The following CTRB1 variants were observed in gnomAD, a reference collection of about 807,000 sequenced individuals.
CTRB1 encodes the protein chymotrypsinogen B.
CTRB1 carries 15 observed loss-of-function variants against 20.4 expected under a neutral mutation model. The observed-to-expected ratio is 0.74, with a 90% CI of 0.49 to 1.13. The LOEUF (loss-of-function observed/expected upper bound fraction) is 1.13, where lower values mean the gene tolerates loss of function less well. CTRB1 is among the 50% of genes most tolerant of loss of function. The probability of loss-of-function intolerance (pLI) is 0.00; values close to 1 mark genes in which losing one functional copy is unlikely to be tolerated. For synonymous variants in CTRB1, 92 were observed against 128.4 expected (o/e 0.72, Z 1.92); for missense variants, 227 against 290.1 (o/e 0.78, Z 1.58).
chr16:75,220,844 C>T (rs534399759), intron 1 of CTRB1, among the ~76,000 whole-genome samples: 1 of 151,744 alleles, frequency 6.6e-6, no homozygotes, highest in East Asian at 1.9e-4. Flanking sequence ...CTGCAACCTC[C>T]ACCTCCCAGG....
chr16:75,219,777 T>C (rs1438131835), intron 1 of CTRB1, among the ~76,000 whole-genome samples: 1 of 152,234 alleles, frequency 6.6e-6, no homozygotes, highest in African/African-American at 2.4e-5. Flanking sequence ...GCAAATCTTT[T>C]TGCACATTTG....
In CTRB1 at chr16:75,224,166, C is replaced by T; in HGVS notation, c.608C>T (p.Ala203Val). Residue 203 changes from alanine (A) to valine (V), a missense_variant, in exon 6 of 7, where the codon GCC (alanine) becomes GTC (valine). By Grantham distance (64) the Ala-to-Val change is moderately conservative. Around this residue, in one of 4 missense-constraint regions of CTRB1, gnomAD observed 36 missense variants for 51.6 expected, o/e 0.70. Transcript: ENST00000361017. ...RITDVMICAG[A>V]SGVSSCMGDS... ...ACCGACGTGATGATCTGTGCCGGGGCCAGTGGCGTCTCCTCCTGCATGGTG... is the reference window on the plus strand; with the variant it reads ...ACCGACGTGATGATCTGTGCCGGGGTCAGTGGCGTCTCCTCCTGCATGGTG... The T allele has an allele frequency of 1.4e-6, 2 of 1,479,964 alleles. No individual in the cohort carries two copies. The highest frequency in any genetic ancestry group is 1.8e-6 in the Non-Finnish European group (2 of 1,103,100). The allele number at this position is 1,479,964 out of a possible 1,614,324, so 91.7% of individuals were successfully genotyped here.
At chr16:75,221,606 C>T (rs1306581300) in intron 1 of CTRB1, among the ~76,000 whole-genome samples, 3 of 151,978 alleles carry the variant, frequency 2.0e-5, no homozygotes, top group Non-Finnish European at 2.9e-5. Context: ...GTGATCCACC[C>T]CGCTTGGCCT....
intron 1 of CTRB1, chr16:75,222,541 G>A (rs1317180486): frequency 3.4e-6 from 2 of 580,948 alleles, no homozygotes; most frequent in East Asian, 2.9e-5. Flanking sequence ...CAGGTAGGAG[G>A]AGACATGACG....
chr16:75,224,650 T>G (rs2151377252), intron 6 of CTRB1, 55 bp from the exon 7 acceptor site: 1 of 1,554,560 alleles, frequency 6.4e-7, no homozygotes, highest in South Asian at 1.2e-5. Flanking sequence ...CAGTGGCCCC[T>G]GGGACCAGTC....
At position 75,219,940 on chromosome 16, in the gene CTRB1, G is replaced by C. The variant is rs185572602; in HGVS notation, c.52+881G>C. Reference sequence around the variant, plus strand: ...ATATTTTTATACATCTATACATAAGGTTTCAAAAAGGTTACATCAATGGAA... The same window carrying C: ...ATATTTTTATACATCTATACATAAGCTTTCAAAAAGGTTACATCAATGGAA... On this transcript the variant is annotated intron_variant, in intron 1 of 6. Coordinates refer to ENST00000361017, the MANE Select transcript of CTRB1 (RefSeq NM_001906.6). Among the ~76,000 whole-genome samples the C allele has an allele frequency of 2.3e-3, 354 of 152,186 alleles. 8 individuals carry two copies. The highest frequency in any genetic ancestry group is 7.4e-5 in the Non-Finnish European group (5 of 68,012).
chr16:75,219,054 C>A lies in CTRB1; in HGVS notation c.47C>A (p.Ala16Asp). ...LLSCFSLVGAAFGCGVPAIHP... is the reference protein window; with the variant it reads ...LLSCFSLVGADFGCGVPAIHP... ...TCCTGCTTCTCCCTTGTGGGGGCCG[C>A]CTTTGGTGAGTGCTGGTGCCCGAGG... The change falls in exon 1 of 7, where the codon GCC becomes GAC. Residue 16 changes from alanine (A) to aspartate (D), a missense_variant. Transcript: ENST00000361017. The A allele has an allele frequency of 1.3e-6, 2 of 1,590,076 alleles. No individual in the cohort carries two copies.
chr16:75,224,281 C>T lies in CTRB1; in HGVS notation c.630+93C>T, dbSNP rs181079175. The T allele has an allele frequency of 1.6e-5, 25 of 1,546,780 alleles. No individual in the cohort carries two copies. In the Admixed American group the frequency reaches 4.1e-4, roughly 26 times the overall value. ...CCTCTCTGCTCTCATCTACTAACCC[C>T]ACTCCTTCCTGGGTGTCAGAGTCGC... On this transcript the variant is annotated intron_variant, in intron 6 of 6. Transcript: ENST00000361017.
chr16:75,221,598 G>T (rs1039456572), intron 1 of CTRB1, among the ~76,000 whole-genome samples: 4 of 151,950 alleles, frequency 2.6e-5, no homozygotes, highest in African/African-American at 9.7e-5. Context: ...AACCTCAGGT[G>T]ATCCACCCCG....
chr16:75,224,033 T>A (rs1368454608), intron 5 of CTRB1, 22 bp from the exon 6 acceptor site: 5 of 908,376 alleles, frequency 5.5e-6, no homozygotes, highest in African/African-American at 4.4e-5. Flanking sequence ...CCAGGGGCCC[T>A]GACCCTCCTC....
In CTRB1 at chr16:75,220,530, G is replaced by C. The variant is rs113559670; in HGVS notation, c.52+1471G>C. On this transcript the variant is annotated intron_variant, in intron 1 of 6. Transcript: ENST00000361017. ...AGGCTGGTCTCGAAATCCTGTGCTC[G>C]AGTGATCTGCTCACCTCAACCTCCC... 1.6e-3 allele frequency among the ~76,000 whole-genome samples: 251 copies of C among 152,214 alleles called. 1 individual carries two copies. The highest frequency in any genetic ancestry group is 5.2e-3 in the African/African-American group (214 of 41,534).
In CTRB1 at chr16:75,221,423, G is replaced by T. The variant is rs146202391; in HGVS notation, c.53-1345G>T. ...CACCCAGGCTGGAGTGCAGTGGCAC[G>T]ATCTCAGCTTACTGCAACCTCTGTC... On this transcript the variant is annotated intron_variant, in intron 1 of 6. Transcript: ENST00000361017. Among the ~76,000 whole-genome samples the T allele has an allele frequency of 2.8e-3, 429 of 152,210 alleles. 3 individuals carry two copies. Among genetic ancestry groups the T allele is most frequent in the African/African-American group, 9.9e-3 (411 of 41,546 alleles).
chr16:75,219,628 C>T (rs1353324636), intron 1 of CTRB1, among the ~76,000 whole-genome samples: 2 of 152,176 alleles, frequency 1.3e-5, no homozygotes, highest in Non-Finnish European at 2.9e-5. Flanking sequence ...AGGTGATGCC[C>T]CCGCCTCGGC....
chr16:75,222,003 G>A (rs1056536731), intron 1 of CTRB1, among the ~76,000 whole-genome samples: 1 of 149,212 alleles, frequency 6.7e-6, no homozygotes, highest in African/African-American at 2.5e-5. Context: ...GGAGCTTGCA[G>A]TGAGCCAAGA....
rs769255790 is a variant in CTRB1 at position 75,224,134 on chromosome 16, G to A, written c.576G>A (p.Arg192=). ...CCGAATGCAAGAAGTCCTGGGGCAG[G>A]AGGATCACCGACGTGATGATCTGTG... ...SNAECKKSWG[R]RITDVMICAG... The change falls in exon 6 of 7, where the codon AGG becomes AGA. Residue 192 remains arginine, a synonymous_variant. Transcript: ENST00000361017. 89 of 1,446,522 alleles carry A rather than the reference G, an allele frequency of 6.2e-5. No individual in the cohort carries two copies. In the African/African-American group the frequency reaches 8.8e-4, roughly 14 times the overall value. The allele number at this position is 1,446,522 out of a possible 1,614,324, so 89.6% of individuals were successfully genotyped here. A position where few individuals can be genotyped will look rare whatever the true frequency, so the allele number is the denominator to read the frequency against.
rs970720567 is a variant in CTRB1, at chr16:75,224,790, C to T, written c.716C>T (p.Ser239Phe). 3.7e-6 allele frequency: 6 copies of T among 1,613,982 alleles called. No homozygotes were observed. Among genetic ancestry groups the T allele is most frequent in the Non-Finnish European group, 5.1e-6 (6 of 1,180,034 alleles). ...GIVSWGSDTC[S>F]TSSPGVYARV... The stretch of plus-strand genomic sequence containing the variant: ...GTGTCCTGGGGCAGCGACACCTGCT[C>T]CACCTCCAGCCCTGGCGTGTACGCC... The change falls in exon 7 of 7, where the codon TCC (serine) becomes TTC (phenylalanine). Residue 239 changes from serine (S) to phenylalanine (F), a missense_variant. By Grantham distance (155) the Ser-to-Phe change is radical. Coordinates refer to ENST00000361017, the MANE Select transcript of CTRB1 (RefSeq NM_001906.6).
chr16:75,224,240 G>T (rs779495165), intron 6 of CTRB1, 52 bp downstream of exon 6: 9 of 1,505,074 alleles, frequency 6.0e-6, no homozygotes, highest in Non-Finnish European at 8.1e-6. Context: ...TGCAGGGGAG[G>T]TCTGGGCTTT....
At chr16:75,219,570 G>A (rs1273444519) in intron 1 of CTRB1, among the ~76,000 whole-genome samples, 2 of 152,036 alleles carry the variant, frequency 1.3e-5, no homozygotes, top group African/African-American at 4.8e-5. Context: ...TTTTAGTAGA[G>A]ACGGGCTTTC....
rs576908589 is a variant in CTRB1, at chr16:75,222,765, C to G, written c.53-3C>G. 1.1e-4 allele frequency: 165 copies of G among 1,557,014 alleles called. No homozygotes were observed. The highest frequency in any genetic ancestry group is 3.4e-4 in the Middle Eastern group (2 of 5,940). On this transcript the variant is annotated splice_polypyrimidine_tract_variant and splice_region_variant and intron_variant, in intron 1 of 6. Transcript: ENST00000361017. ...AGCCCTTATTCACCCCACTCCCCCC[C>G]AGGCTGCGGGGTCCCCGCCATCCAC...
Sources: allele counts gnomAD v4.1 joint callset (sites outside exome capture counted in the v4.1 genomes callset), GRCh38; gene constraint gnomAD v4.1.1; regional missense constraint gnomAD v4.1.1; transcripts MANE v1.5; gene names NCBI Gene and HGNC (gene_info 2026-07-23, HGNC 2026-07-21).